TAFA2: variants seen among roughly 807,000 people sequenced by gnomAD.
TAFA2 encodes TAFA chemokine like family member 2.
A neutral mutation model predicts 18.8 loss-of-function variants in TAFA2; 7 were observed. The ratio of observed to expected loss-of-function variants is 0.37; its 90% confidence interval spans 0.21 to 0.70. The LOEUF (loss-of-function observed/expected upper bound fraction) is 0.70. TAFA2 is among the 30% of genes least tolerant of loss of function. The pLI is 0.53. For synonymous variants in TAFA2, 60 were observed against 54.2 expected (o/e 1.11, Z -0.47); for missense variants, 122 against 158.1 (o/e 0.77, Z 1.23).
At chr12:61,948,723 T>G (rs1592507358) in intron 1 of TAFA2, among the ~76,000 whole-genome samples, 1 of 152,194 alleles carries the variant, frequency 6.6e-6, no homozygotes, top group Admixed American at 6.5e-5. Context: ...ATTTATTGAC[T>G]TAGGTGGTTG....
chr12:61,952,083 T>TC (rs1408811153), intron 1 of TAFA2, among the ~76,000 whole-genome samples: 4 of 152,038 alleles, frequency 2.6e-5, no homozygotes, highest in African/African-American at 9.7e-5. Flanking sequence ...CTGCTACATT[T>TC]CCCCAGCCTT....
At chr12:62,045,953 G>A (rs747608890) in intron 1 of TAFA2, among the ~76,000 whole-genome samples, 14 of 152,018 alleles carry the variant, frequency 9.2e-5, no homozygotes, top group Non-Finnish European at 1.3e-4. Context: ...GAGAGCTAAC[G>A]GAGAACTTAA....
intron 1 of TAFA2, among the ~76,000 whole-genome samples, chr12:62,001,283 C>T (rs1016806708): frequency 2.6e-5 from 4 of 152,024 alleles, no homozygotes; most frequent in Admixed American, 6.6e-5. Context: ...TTGTGGAAGA[C>T]GATTTTTCCA....
intron 2 of TAFA2, among the ~76,000 whole-genome samples, chr12:61,806,371 T>G (rs1489749235): frequency 1.3e-5 from 2 of 152,190 alleles, no homozygotes; most frequent in Non-Finnish European, 2.9e-5. Flanking sequence ...CTCCATGTAA[T>G]ATGTGCCTTT....
At chr12:61,810,131 A>G (rs12582721) in intron 2 of TAFA2, among the ~76,000 whole-genome samples, 15,909 of 151,408 alleles carry the variant, frequency 0.11, 1,171 homozygotes, top group East Asian at 0.19. Context: ...TGTATAATTT[A>G]CAGTTTTCCC....
At chr12:61,845,565 T>A (rs1296838031) in intron 2 of TAFA2, among the ~76,000 whole-genome samples, 1 of 152,144 alleles carries the variant, frequency 6.6e-6, no homozygotes, top group Non-Finnish European at 1.5e-5. Flanking sequence ...CACAGAAATT[T>A]TCCCTATGAA....
At chr12:61,784,067 T>G (rs531469705) in intron 2 of TAFA2, among the ~76,000 whole-genome samples, 1 of 151,586 alleles carries the variant, frequency 6.6e-6, no homozygotes, top group East Asian at 2.0e-4. Context: ...CCCCAAGGTT[T>G]GGGGAGCTAT....
At chr12:61,951,499 G>C (rs1158378616) in intron 1 of TAFA2, among the ~76,000 whole-genome samples, 1 of 151,982 alleles carries the variant, frequency 6.6e-6, no homozygotes. Flanking sequence ...GCTCAAATTA[G>C]GCAACAGTAA....
chr12:62,236,234 G>A (rs371375051), intron 1 of TAFA2, among the ~76,000 whole-genome samples: 2 of 151,222 alleles, frequency 1.3e-5, no homozygotes, highest in East Asian at 3.9e-4. Context: ...CTTTACCAGC[G>A]AGTTTATGCC....
chr12:61,928,264 G>C (rs1206092288), intron 1 of TAFA2, among the ~76,000 whole-genome samples: 1 of 152,194 alleles, frequency 6.6e-6, no homozygotes, highest in East Asian at 1.9e-4. Flanking sequence ...CTATCCATCT[G>C]ACAAGGGGCT....
At chr12:61,949,220 A>G (rs1165273926) in intron 1 of TAFA2, among the ~76,000 whole-genome samples, 1 of 152,150 alleles carries the variant, frequency 6.6e-6, no homozygotes, top group Middle Eastern at 3.2e-3. Flanking sequence ...GTAAGAGGGA[A>G]CATGTTCTGC....
intron 1 of TAFA2, among the ~76,000 whole-genome samples, chr12:62,228,363 T>C (rs1371939794): frequency 1.3e-5 from 2 of 152,174 alleles, no homozygotes; most frequent in Non-Finnish European, 2.9e-5. Context: ...GCAGGTGTCT[T>C]TTTGGTAGAA....
At chr12:61,890,800 T>A (rs183494474) in intron 1 of TAFA2, among the ~76,000 whole-genome samples, 1 of 152,208 alleles carries the variant, frequency 6.6e-6, no homozygotes, top group Non-Finnish European at 1.5e-5. Flanking sequence ...CTCCAGCAGA[T>A]GAAACCATTT....
intron 1 of TAFA2, among the ~76,000 whole-genome samples, chr12:62,020,269 G>A (rs1169567764): frequency 6.6e-6 from 1 of 152,128 alleles, no homozygotes; most frequent in East Asian, 1.9e-4. Flanking sequence ...TGCCACACTA[G>A]TATTATCATA....
chr12:61,881,686 G>A (rs1273928364), intron 1 of TAFA2, among the ~76,000 whole-genome samples: 2 of 152,154 alleles, frequency 1.3e-5, no homozygotes, highest in Admixed American at 6.5e-5. Flanking sequence ...CACATGGGAA[G>A]GAGAGCCTCA....
intron 1 of TAFA2, among the ~76,000 whole-genome samples, chr12:61,906,628 T>C (rs1318507011): frequency 6.6e-6 from 1 of 152,174 alleles, no homozygotes; most frequent in African/African-American, 2.4e-5. Flanking sequence ...GAAGTGACTT[T>C]GGAACTGGGT....
chr12:62,198,869 A>G (rs766243112), intron 1 of TAFA2, among the ~76,000 whole-genome samples: 1 of 152,212 alleles, frequency 6.6e-6, no homozygotes, highest in African/African-American at 2.4e-5. Context: ...AAACAGGCCA[A>G]CTGAATAGAC....
chr12:62,142,948 G>GA (rs1215920935), intron 1 of TAFA2, among the ~76,000 whole-genome samples: 2 of 152,016 alleles, frequency 1.3e-5, no homozygotes, highest in African/African-American at 4.8e-5. Flanking sequence ...TTTTCCAGAG[G>GA]AAAAAAGTGA....
At chr12:62,153,880 G>C (rs2062347865) in intron 1 of TAFA2, among the ~76,000 whole-genome samples, 1 of 151,710 alleles carries the variant, frequency 6.6e-6, no homozygotes, top group Non-Finnish European at 1.5e-5. Context: ...GCCCAAGTTG[G>C]AGTGAGCACA....
Sources: gnomAD v4.1 joint callset for allele counts (sites outside exome capture counted in the v4.1 genomes callset) on GRCh38, gnomAD v4.1.1 for gene constraint, MANE v1.5 for transcripts, NCBI Gene and HGNC (gene_info 2026-07-23, HGNC 2026-07-21) for gene names.